Variants in SOX5 observed in about 807,000 individuals in gnomAD.
SOX5 encodes the protein SRY-box transcription factor 5, also known as transcription factor SOX-5.
SOX5 carries 9 observed loss-of-function variants against 92.0 expected under a neutral mutation model. That is an observed-to-expected ratio of 0.10 (90% confidence interval 0.06 to 0.17). The LOEUF (loss-of-function observed/expected upper bound fraction) is 0.17. Ranked by LOEUF, SOX5 falls within the 10% of genes least tolerant of loss-of-function variation. The probability of loss-of-function intolerance (pLI) is 1.00; values close to 1 mark genes in which losing one functional copy is unlikely to be tolerated. For missense variants in SOX5, 642 were observed against 944.5 expected (o/e 0.68, Z 4.20); for synonymous variants, 344 against 336.3 (o/e 1.02, Z -0.25).
intron 4 of SOX5, among the ~76,000 whole-genome samples, chr12:23,975,514 A>C (rs1230167028): frequency 6.6e-6 from 1 of 152,098 alleles, no homozygotes; most frequent in Non-Finnish European, 1.5e-5. Context: ...GTCCTACTAC[A>C]AATCATTAGT....
rs143636271 is a variant in SOX5 at position 23,615,075 on chromosome 12, T to C, written c.1018-10542A>G. 6.8e-3 allele frequency among the ~76,000 whole-genome samples: 1,035 copies of C among 152,288 alleles called. 9 individuals carry two copies. Among genetic ancestry groups the C allele is most frequent in the African/African-American group, 0.024 (1,008 of 41,574 alleles). On this transcript the variant is annotated intron_variant, in intron 8 of 14. Transcript: ENST00000451604. The stretch of plus-strand genomic sequence containing the variant: ...CTTCGGCCTCCCAAAGTGCTGGGAT[T>C]ACAGGCGTGAGCCACCGTACCCGGC...
chr12:24,232,956 C>T (rs1290141526), intron 3 of SOX5, among the ~76,000 whole-genome samples: 3 of 152,190 alleles, frequency 2.0e-5, no homozygotes, highest in Admixed American at 6.5e-5. Flanking sequence ...GATAAAAACA[C>T]ATAGCCCTTG....
chr12:23,633,900 C>G (rs772442911), intron 8 of SOX5, among the ~76,000 whole-genome samples: 3 of 152,020 alleles, frequency 2.0e-5, no homozygotes, highest in Non-Finnish European at 4.4e-5. Flanking sequence ...ATTACATAAA[C>G]TGTAATAAGT....
chr12:23,624,000 C>T (rs915931899), intron 8 of SOX5, among the ~76,000 whole-genome samples: 3 of 152,070 alleles, frequency 2.0e-5, no homozygotes, highest in African/African-American at 4.8e-5. Flanking sequence ...GAATATTATT[C>T]AGTCTTAAAA....
At chr12:23,743,625 T>C (rs2093880534) in intron 4 of SOX5, among the ~76,000 whole-genome samples, 1 of 152,184 alleles carries the variant, frequency 6.6e-6, no homozygotes, top group Non-Finnish European at 1.5e-5. Context: ...ATGGTTATTA[T>C]TACATTACTT....
At chr12:24,333,166 C>A (rs898712558) in intron 2 of SOX5, among the ~76,000 whole-genome samples, 4 of 151,792 alleles carry the variant, frequency 2.6e-5, no homozygotes, top group Non-Finnish European at 2.9e-5. Flanking sequence ...AATGAAATAT[C>A]AAAAAACAAA....
In SOX5 at chr12:23,783,187, A is replaced by G. The variant is rs139156929; in HGVS notation, c.482-27463T>C. Among the ~76,000 whole-genome samples the G allele has an allele frequency of 2.6e-3, 395 of 152,280 alleles. 3 individuals carry two copies. The highest frequency in any genetic ancestry group is 8.9e-3 in the African/African-American group (370 of 41,572). ...CTTCATCCACTAGTATATAAGTTCTAAAGAGTAAGGACATTGTCTATCTTG... is the reference window on the plus strand; with the variant it reads ...CTTCATCCACTAGTATATAAGTTCTGAAGAGTAAGGACATTGTCTATCTTG... On this transcript the variant is annotated intron_variant, in intron 3 of 14. Coordinates refer to ENST00000451604, the MANE Select transcript of SOX5 (RefSeq NM_006940.6).
intron 3 of SOX5, among the ~76,000 whole-genome samples, chr12:23,837,904 T>TATTTATATAATATATAAGATATATTTAC: frequency 8.8e-6 from 1 of 114,218 alleles, no homozygotes; most frequent in African/African-American, 3.6e-5. Flanking sequence ...GATATATTTA[T>TATTTATATAATATATAAGATATATTTAC]ATTTATATAC....
intron 3 of SOX5, among the ~76,000 whole-genome samples, chr12:24,255,455 T>A (rs946636304): frequency 6.6e-6 from 1 of 152,196 alleles, no homozygotes; most frequent in African/African-American, 2.4e-5. Flanking sequence ...TATGGCTGTA[T>A]AATTTATCTT....
chr12:24,329,349 G>A (rs555871035), intron 2 of SOX5, among the ~76,000 whole-genome samples: 6 of 152,132 alleles, frequency 3.9e-5, no homozygotes, highest in South Asian at 2.1e-4. Context: ...CTTACATGGC[G>A]GCAGGCGAGA....
intron 8 of SOX5, among the ~76,000 whole-genome samples, chr12:23,638,773 G>A (rs1487967182): frequency 6.6e-6 from 1 of 151,926 alleles, no homozygotes; most frequent in Non-Finnish European, 1.5e-5. Context: ...AAGTGAGTTG[G>A]TGTAAGCACC....
At chr12:24,357,139 G>A (rs962007000) in intron 2 of SOX5, among the ~76,000 whole-genome samples, 1 of 152,190 alleles carries the variant, frequency 6.6e-6, no homozygotes, top group Non-Finnish European at 1.5e-5. Flanking sequence ...TACATTTTGA[G>A]AGACTAATAG....
intron 2 of SOX5, among the ~76,000 whole-genome samples, chr12:23,872,006 TC>T (rs1255930471): frequency 6.0e-5 from 9 of 150,488 alleles, no homozygotes; most frequent in African/African-American, 2.2e-4. Context: ...TTTTTTTTTT[TC>T]TTTTTTTTGA....
intron 2 of SOX5, among the ~76,000 whole-genome samples, chr12:24,334,542 C>T (rs1951680408): frequency 6.6e-6 from 1 of 152,078 alleles, no homozygotes; most frequent in African/African-American, 2.4e-5. Context: ...ATGCTCAATC[C>T]TGGCAAAGGG....
At chr12:24,104,886 A>G (rs1343422095) in intron 4 of SOX5, among the ~76,000 whole-genome samples, 1 of 152,236 alleles carries the variant, frequency 6.6e-6, no homozygotes. Context: ...CAGTAAATAC[A>G]ATTGCAGACT....
intron 4 of SOX5, among the ~76,000 whole-genome samples, chr12:24,031,846 A>G (rs73283838): frequency 0.017 from 2,633 of 151,950 alleles, 73 homozygotes; most frequent in South Asian, 0.061. Context: ...GAGTGACATT[A>G]TAAAGTTCTA....
At chr12:24,509,304 T>G (rs1300055177) in intron 1 of SOX5, among the ~76,000 whole-genome samples, 1 of 152,224 alleles carries the variant, frequency 6.6e-6, no homozygotes, top group African/African-American at 2.4e-5. Flanking sequence ...CATTACATTT[T>G]ATGCTGGACT....
chr12:24,121,567 C>CTTT (rs11286069), intron 4 of SOX5, among the ~76,000 whole-genome samples: 12 of 106,010 alleles, frequency 1.1e-4, no homozygotes, highest in Admixed American at 3.1e-4. Context: ...AAATGGCTAA[C>CTTT]TTTTTTTTTT....
chr12:24,493,776 A>C (rs2138010551), intron 1 of SOX5, among the ~76,000 whole-genome samples: 1 of 152,146 alleles, frequency 6.6e-6, no homozygotes, highest in Admixed American at 6.5e-5. Context: ...AGGCAGGAGA[A>C]TGGTGTGAAC....
Sources: allele counts gnomAD v4.1 joint callset (sites outside exome capture counted in the v4.1 genomes callset), GRCh38; gene constraint gnomAD v4.1.1; transcripts MANE v1.5; gene names NCBI Gene and HGNC (gene_info 2026-07-23, HGNC 2026-07-21).